The following ESPNL variants were observed in gnomAD, a reference collection of about 807,000 sequenced individuals.
The protein encoded by ESPNL is espin like.
Under a neutral mutation model 46.8 loss-of-function variants are expected in ESPNL, and 49 were observed. That is an observed-to-expected ratio of 1.05 (90% confidence interval 0.83 to 1.33). ESPNL has a LOEUF of 1.33. Among genes scored for constraint, ESPNL ranks in the 40% most tolerant of loss-of-function variants. The pLI, the probability that ESPNL is intolerant of heterozygous loss-of-function variation, is 0.00. For missense variants in ESPNL, 1,540 were observed against 1,436.6 expected (o/e 1.07, Z -1.16); for synonymous variants, 664 against 662.1 (o/e 1.00, Z -0.04).
At chr2:238,129,212 A>G (rs767575160) in intron 8 of ESPNL, 44 of 1,294,412 alleles carry the variant, frequency 3.4e-5, no homozygotes, top group Middle Eastern at 2.9e-4. Flanking sequence ...CTAGCAGGGA[A>G]GACGGTGGCC....
At chr2:238,109,314 C>T (rs542527053) in intron 4 of ESPNL, among the ~76,000 whole-genome samples, 1 of 152,334 alleles carries the variant, frequency 6.6e-6, no homozygotes, top group East Asian at 1.9e-4. Flanking sequence ...TCCTCTGGCT[C>T]CTCAGCTTCC....
intron 6 of ESPNL, among the ~76,000 whole-genome samples, chr2:238,126,571 G>GTT (rs1177783090): frequency 3.4e-4 from 32 of 94,820 alleles, no homozygotes; most frequent in African/African-American, 1.0e-3. Flanking sequence ...TTGTGTTTGT[G>GTT]TGTGTCTGTG....
intron 5 of ESPNL, among the ~76,000 whole-genome samples, chr2:238,118,361 GAATGGAT>G (rs1559263272): frequency 5.9e-5 from 6 of 101,382 alleles, no homozygotes; most frequent in South Asian, 3.2e-4. Context: ...GATGGAGGAG[GAATGGAT>G]GGAGGAGGTG....
intron 6 of ESPNL, among the ~76,000 whole-genome samples, chr2:238,126,390 CTGTA>C (rs917640610): frequency 1.5e-4 from 22 of 142,744 alleles, no homozygotes; most frequent in East Asian, 4.3e-4. Context: ...TTGTGTGTCT[CTGTA>C]TGATTATGCC....
At chr2:238,119,338 G>C (rs1691921679) in intron 5 of ESPNL, among the ~76,000 whole-genome samples, 1 of 150,604 alleles carries the variant, frequency 6.6e-6, no homozygotes, top group Admixed American at 6.6e-5. Context: ...GGTGGATGGA[G>C]GAGGGTGAAT....
At chr2:238,122,254 C>T (rs1197299139) in intron 5 of ESPNL, among the ~76,000 whole-genome samples, 7 of 152,236 alleles carry the variant, frequency 4.6e-5, no homozygotes, top group Non-Finnish European at 1.0e-4. Context: ...CTATGGGAGC[C>T]AGGGGTGTGG....
chr2:238,129,363 AG>A, intron 8 of ESPNL: 1 of 606,070 alleles, frequency 1.6e-6, no homozygotes, highest in Non-Finnish European at 2.1e-6. Flanking sequence ...GAGGGAAGAG[AG>A]GGGGAGCCCT....
intron 3 of ESPNL, among the ~76,000 whole-genome samples, chr2:238,105,934 C>T (rs1691586926): frequency 1.3e-5 from 2 of 152,188 alleles, no homozygotes; most frequent in African/African-American, 4.8e-5. Context: ...CTGGCTCTGC[C>T]CCCGGGGCCT....
At position 238,100,340 on chromosome 2, in the gene ESPNL, A is replaced by G. The variant is rs1425429345; in HGVS notation, c.-80A>G. ...CCCTGTGGCAGCTTATCGGGTAACC[A>G]GAGCCGGCAGCTTCATCCACGTCTG... On this transcript the variant is annotated 5_prime_UTR_variant, in exon 1 of 9. Transcript: ENST00000343063. 7 of 1,128,016 alleles carry G rather than the reference A, an allele frequency of 6.2e-6. No homozygotes were observed. In the East Asian group the frequency reaches 3.5e-4, roughly 56 times the overall value. The allele number at this position is 1,128,016 out of a possible 1,614,324, so 69.9% of individuals were successfully genotyped here.
intron 1 of ESPNL, among the ~76,000 whole-genome samples, chr2:238,101,363 G>T (rs114735717): frequency 0.014 from 2,118 of 152,300 alleles, 43 homozygotes; most frequent in African/African-American, 0.048. Context: ...CACCTGGCTC[G>T]CCAGAGCACC....
Position 238,128,810 on chromosome 2 carries a change from A to G in ESPNL, c.1319A>G (p.Asp440Gly), listed in dbSNP as rs1692203634. The change falls in exon 8 of 9, where the codon GAT becomes GGT. Residue 440 changes from aspartate to glycine, a missense_variant. By Grantham distance (94) the Asp-to-Gly change is moderately conservative. Transcript: ENST00000343063. ...GDIDGLVPTR[D>G]ERGQPIPEWK... ...ATCGACGGGCTGGTGCCCACGCGGG[A>G]TGAGCGCGGCCAGCCCATCCCAGAG... is the stretch of plus-strand genomic sequence containing the variant. 3.2e-6 allele frequency: 5 copies of G among 1,554,940 alleles called. No homozygotes were observed. The East Asian group carries it at 1.2e-4, about 38-fold the overall frequency.
intron 8 of ESPNL, 141 bp from the exon 9 acceptor site, chr2:238,129,987 C>A: frequency 1.1e-6 from 1 of 933,012 alleles, no homozygotes; most frequent in Non-Finnish European, 1.6e-6. Context: ...TCTGCCCTAG[C>A]TGGGAAGCCC....
rs1039825269 is a variant in ESPNL at position 238,114,870 on chromosome 2, C to G, written c.856-2033C>G. Among the ~76,000 whole-genome samples, 6 of 152,344 alleles carry G rather than the reference C, an allele frequency of 3.9e-5. No homozygotes were observed. The highest frequency in any genetic ancestry group is 8.8e-5 in the Non-Finnish European group (6 of 68,028). On this transcript the variant is annotated intron_variant, in intron 4 of 8. Transcript: ENST00000343063. The surrounding 1 kb of genome is among the most constrained non-coding windows in gnomAD (Gnocchi z 5.0). ...AGCTTTCGCACCACGACCAGGGTTG[C>G]ATATTTGTGCCAGAGCCGGCGGCCC...
chr2:238,118,137 ATGGATGGAGGAGGG>A (rs1285590589), intron 5 of ESPNL, among the ~76,000 whole-genome samples: 1 of 129,682 alleles, frequency 7.7e-6, no homozygotes, highest in Non-Finnish European at 1.6e-5. Flanking sequence ...TGGAGAAGGA[ATGGATGGAGGAGGG>A]TGGATGGAGG....
intron 5 of ESPNL, among the ~76,000 whole-genome samples, chr2:238,124,173 G>A (rs1443262802): frequency 2.6e-5 from 4 of 152,220 alleles, no homozygotes; most frequent in Admixed American, 1.3e-4. Context: ...GTCCAGAATC[G>A]TGGCCGATTT....
rs1692253076 is a variant in ESPNL at position 238,130,104 on chromosome 2, TCACCCTGCC to T, written c.1414-22_1414-14del. 6.3e-7 allele frequency: 1 copy of T among 1,593,458 alleles called. No homozygotes were observed. The highest frequency in any genetic ancestry group is 1.3e-5 in the African/African-American group (1 of 74,668). The stretch of plus-strand genomic sequence containing the variant: ...TGGTGGGTGGGTGGGCTCACCCTGC[TCACCCTGCC>T]CTTCCTGTGCCCAGGACAATGGTGG... On this transcript the variant is annotated splice_polypyrimidine_tract_variant and intron_variant, in intron 8 of 8. Coordinates refer to ENST00000343063, the MANE Select transcript of ESPNL (RefSeq NM_194312.4).
chr2:238,104,194 A>G (rs1574726456), intron 2 of ESPNL, among the ~76,000 whole-genome samples: 1 of 152,232 alleles, frequency 6.6e-6, no homozygotes, highest in Non-Finnish European at 1.5e-5. Context: ...CGAGCCCGAG[A>G]GTTGACCCTC....
chr2:238,107,663 C>G, intron 3 of ESPNL, 128 bp from the exon 4 acceptor site: 1 of 966,602 alleles, frequency 1.0e-6, no homozygotes. Flanking sequence ...TCCGGGGTTT[C>G]CTGAGGTTGT....
chr2:238,115,548 C>T (rs1017757609), intron 4 of ESPNL, among the ~76,000 whole-genome samples: 3 of 152,252 alleles, frequency 2.0e-5, no homozygotes, highest in African/African-American at 7.2e-5. Context: ...TATTTACTCA[C>T]GGCATGGCAC....
Sources: gnomAD v4.1 joint callset for allele counts (sites outside exome capture counted in the v4.1 genomes callset) on GRCh38, gnomAD v4.1.1 for gene constraint, Gnocchi (gnomAD v3.1) non-coding constraint, MANE v1.5 for transcripts, NCBI Gene and HGNC (gene_info 2026-07-23, HGNC 2026-07-21) for gene names.